The following OPCML variants were observed in gnomAD, a reference collection of about 807,000 sequenced individuals.
The protein encoded by OPCML is opioid-binding protein/cell adhesion molecule.
Under a neutral mutation model 37.8 loss-of-function variants are expected in OPCML, and 13 were observed. The observed-to-expected ratio is 0.34, with a 90% CI of 0.22 to 0.55. The LOEUF (loss-of-function observed/expected upper bound fraction) is 0.55. OPCML is among the 20% of genes least tolerant of loss of function. OPCML has a pLI of 0.91. For synonymous variants in OPCML, 176 were observed against 168.8 expected, an observed-to-expected ratio of 1.04 and a Z score of -0.33; for missense variants, 341 against 435.6, an observed-to-expected ratio of 0.78 and a Z score of 1.93.
chr11:133,414,292 C>A (rs1162014438), intron 1 of OPCML, among the ~76,000 whole-genome samples: 2 of 152,070 alleles, frequency 1.3e-5, no homozygotes, highest in African/African-American at 2.4e-5. Flanking sequence ...GCCAGCATGA[C>A]CCTTTCTGAG....
chr11:133,424,677 G>A, intron 1 of OPCML, among the ~76,000 whole-genome samples: 1 of 152,106 alleles, frequency 6.6e-6, no homozygotes, highest in Non-Finnish European at 1.5e-5. Context: ...AAACATCTAT[G>A]TTCATCTTTT....
At chr11:132,616,577 T>G (rs1207902372) in intron 3 of OPCML, among the ~76,000 whole-genome samples, 2 of 152,226 alleles carry the variant, frequency 1.3e-5, no homozygotes, top group Non-Finnish European at 2.9e-5. Context: ...TGCTCTAATG[T>G]TCTAGATTTT....
intron 2 of OPCML, among the ~76,000 whole-genome samples, chr11:132,894,117 C>A (rs141975097): frequency 2.2e-4 from 34 of 152,274 alleles, no homozygotes; most frequent in Middle Eastern, 6.8e-3. Flanking sequence ...CCCATTCAGT[C>A]CTCAGTCTAC....
chr11:133,218,424 G>A (rs964298804), intron 1 of OPCML, among the ~76,000 whole-genome samples: 9 of 152,176 alleles, frequency 5.9e-5, no homozygotes, highest in African/African-American at 1.7e-4. Flanking sequence ...TCTTTGGTTC[G>A]CTAAAGGAGA....
chr11:133,160,148 T>A (rs893305053), intron 1 of OPCML, among the ~76,000 whole-genome samples: 4 of 152,262 alleles, frequency 2.6e-5, no homozygotes, highest in South Asian at 2.1e-4. Context: ...GGAACTTTAA[T>A]GTGCAATGTG....
At chr11:133,071,439 A>C (rs1339150502) in intron 1 of OPCML, among the ~76,000 whole-genome samples, 6 of 152,208 alleles carry the variant, frequency 3.9e-5, no homozygotes, top group African/African-American at 1.4e-4. Flanking sequence ...TGTTTGAGAC[A>C]TAGTTGTATA....
chr11:132,840,661 C>T (rs1021764534), intron 2 of OPCML, among the ~76,000 whole-genome samples: 33 of 152,136 alleles, frequency 2.2e-4, no homozygotes, highest in Admixed American at 1.9e-3. Context: ...TTGCTCAATC[C>T]GAAGCGTTAA....
At chr11:133,114,917 C>G (rs1949308805) in intron 1 of OPCML, among the ~76,000 whole-genome samples, 1 of 152,062 alleles carries the variant, frequency 6.6e-6, no homozygotes, top group South Asian at 2.1e-4. Flanking sequence ...ACCCTGTCCC[C>G]ATTTATGTTT....
chr11:133,042,341 C>T lies in OPCML; in HGVS notation c.62-99331G>A, dbSNP rs924824360. Among the ~76,000 whole-genome samples, 32 of 152,302 alleles carry T rather than the reference C, an allele frequency of 2.1e-4. 1 individual carries two copies. Among genetic ancestry groups the T allele is most frequent in the East Asian group, 9.7e-4 (5 of 5,164 alleles). ...GAAGAAAAAGCAAATAAACACGCTG[C>T]CCTCATGCATGGAGCACTGGACGAT... is the stretch of plus-strand genomic sequence containing the variant. On this transcript the variant is annotated intron_variant, in intron 1 of 7. Coordinates refer to ENST00000524381, the MANE Select transcript of OPCML (RefSeq NM_001012393.5).
intron 3 of OPCML, among the ~76,000 whole-genome samples, chr11:132,651,270 C>T (rs984708416): frequency 8.5e-5 from 13 of 152,172 alleles, no homozygotes; most frequent in Non-Finnish European, 1.8e-4. Context: ...TTTGCCACTT[C>T]CTCGCTAGTG....
intron 1 of OPCML, among the ~76,000 whole-genome samples, chr11:133,521,871 C>G (rs1284525621): frequency 6.6e-6 from 1 of 152,198 alleles, no homozygotes; most frequent in Non-Finnish European, 1.5e-5. Context: ...GCCTTTCTTC[C>G]TAGAATGGAA....
At chr11:133,041,549 T>C (rs1453206739) in intron 1 of OPCML, among the ~76,000 whole-genome samples, 1 of 152,226 alleles carries the variant, frequency 6.6e-6, no homozygotes, top group Non-Finnish European at 1.5e-5. Context: ...TCCTGCACTG[T>C]ATCTTCGAGT....
At chr11:132,769,412 T>C (rs1259140022) in intron 2 of OPCML, among the ~76,000 whole-genome samples, 1 of 152,058 alleles carries the variant, frequency 6.6e-6, no homozygotes, top group African/African-American at 2.4e-5. Context: ...AACAAGACTT[T>C]GTGACTGGAG....
At chr11:133,523,632 A>G (rs1948435195) in intron 1 of OPCML, among the ~76,000 whole-genome samples, 2 of 152,240 alleles carry the variant, frequency 1.3e-5, no homozygotes, top group African/African-American at 4.8e-5. Flanking sequence ...TTTCTAGGAT[A>G]AAGACCAAAA....
chr11:133,182,562 T>C (rs1363659620), intron 1 of OPCML, among the ~76,000 whole-genome samples: 1 of 152,188 alleles, frequency 6.6e-6, no homozygotes, highest in Non-Finnish European at 1.5e-5. Flanking sequence ...TGCCACTTCA[T>C]CCTGTCTCTA....
intron 3 of OPCML, among the ~76,000 whole-genome samples, chr11:132,584,721 G>A (rs1008217996): frequency 6.6e-6 from 1 of 152,096 alleles, no homozygotes; most frequent in Non-Finnish European, 1.5e-5. Flanking sequence ...TACAGGCCAG[G>A]TAACAGTTGT....
intron 3 of OPCML, among the ~76,000 whole-genome samples, chr11:132,605,074 G>T (rs79251510): frequency 0.08 from 12,186 of 152,192 alleles, 938 homozygotes; most frequent in African/African-American, 0.19. Flanking sequence ...GAATCATAGT[G>T]CAGTCACACG....
intron 1 of OPCML, among the ~76,000 whole-genome samples, chr11:133,154,679 C>T (rs984028530): frequency 6.6e-6 from 1 of 152,050 alleles, no homozygotes; most frequent in East Asian, 1.9e-4. Flanking sequence ...AAAATACTAT[C>T]AAAATATGTC....
At chr11:132,924,701 T>G (rs1779959756) in intron 2 of OPCML, among the ~76,000 whole-genome samples, 1 of 152,240 alleles carries the variant, frequency 6.6e-6, no homozygotes, top group South Asian at 2.1e-4. Flanking sequence ...CATTCTTCAG[T>G]TTGAAAATCA....
Sources: allele counts gnomAD v4.1 joint callset (sites outside exome capture counted in the v4.1 genomes callset), GRCh38; gene constraint gnomAD v4.1.1; transcripts MANE v1.5; gene names NCBI Gene and HGNC (gene_info 2026-07-23, HGNC 2026-07-21).